The following NOVA1 variants were observed in gnomAD, a reference collection of about 807,000 sequenced individuals.
NOVA1 encodes the protein RNA-binding protein Nova-1.
NOVA1 carries 7 observed loss-of-function variants against 38.0 expected under a neutral mutation model. The observed-to-expected ratio is 0.18, with a 90% CI of 0.10 to 0.35. The LOEUF (loss-of-function observed/expected upper bound fraction) is 0.35. NOVA1 is among the 10% of genes least tolerant of loss of function. The pLI is 1.00. For missense variants in NOVA1, 460 were observed against 616.0 expected (o/e 0.75, Z 2.68); for synonymous variants, 270 against 232.5 (o/e 1.16, Z -1.47).
chr14:26,530,506 T>A (rs573246067), intron 2 of NOVA1, among the ~76,000 whole-genome samples: 1 of 152,252 alleles, frequency 6.6e-6, no homozygotes, highest in East Asian at 1.9e-4. Context: ...GTATAGATAA[T>A]TATCTGAAAG....
At chr14:26,520,630 T>G (rs1175009632) in intron 2 of NOVA1, among the ~76,000 whole-genome samples, 1 of 152,130 alleles carries the variant, frequency 6.6e-6, no homozygotes, top group African/African-American at 2.4e-5. Context: ...GTGACTCAAA[T>G]TCTTTTTATC....
At chr14:26,527,378 C>A (rs115226731) in intron 2 of NOVA1, among the ~76,000 whole-genome samples, 8 of 152,004 alleles carry the variant, frequency 5.3e-5, no homozygotes, top group Non-Finnish European at 8.8e-5. Context: ...GGATGAGCAT[C>A]ACCAGAATCA....
At chr14:26,509,491 A>C (rs1220627936) in intron 2 of NOVA1, among the ~76,000 whole-genome samples, 1 of 152,208 alleles carries the variant, frequency 6.6e-6, no homozygotes, top group African/African-American at 2.4e-5. Flanking sequence ...AAAGTTCTCA[A>C]GCTTCATGAT....
At chr14:26,554,358 A>G (rs1427912857) in intron 2 of NOVA1, among the ~76,000 whole-genome samples, 1 of 151,672 alleles carries the variant, frequency 6.6e-6, no homozygotes, top group Non-Finnish European at 1.5e-5. Flanking sequence ...TGAGAAAAAA[A>G]AACAAAACAA....
chr14:26,558,384 G>T (rs556687376), intron 2 of NOVA1, among the ~76,000 whole-genome samples: 2 of 152,214 alleles, frequency 1.3e-5, no homozygotes, highest in African/African-American at 4.8e-5. Flanking sequence ...GTTGTTAATA[G>T]TAAGAAAAAC....
At chr14:26,485,736 C>T (rs1885836901) in intron 2 of NOVA1, among the ~76,000 whole-genome samples, 1 of 152,008 alleles carries the variant, frequency 6.6e-6, no homozygotes, top group Admixed American at 6.6e-5. Context: ...AAAGAAAATG[C>T]ATCAGTTTAT....
intron 3 of NOVA1, among the ~76,000 whole-genome samples, chr14:26,478,767 G>T (rs926156756): frequency 1.3e-5 from 2 of 151,784 alleles, no homozygotes; most frequent in Admixed American, 6.6e-5. Context: ...CTTATGAAGG[G>T]TATAAACTGA....
At chr14:26,475,133 A>T (rs973928837) in intron 3 of NOVA1, among the ~76,000 whole-genome samples, 3 of 152,150 alleles carry the variant, frequency 2.0e-5, no homozygotes, top group Non-Finnish European at 4.4e-5. Context: ...TCCGTAAGAA[A>T]TATTTCAATG....
In NOVA1 at chr14:26,539,918, T is replaced by C. The variant is rs369653212; in HGVS notation, c.280+55492A>G. ...AAAGTTCTAGCACAAGAAGCAAAAA[T>C]AGCCTGCTGCAGAGTTACTCCTCTT... On this transcript the variant is annotated intron_variant, in intron 2 of 4. Coordinates refer to ENST00000539517, the MANE Select transcript of NOVA1 (RefSeq NM_002515.3). Among the ~76,000 whole-genome samples, 10 of 151,906 alleles carry C rather than the reference T, an allele frequency of 6.6e-5. No individual in the cohort carries two copies. The East Asian group carries it at 7.8e-4, about 12-fold the overall frequency.
chr14:26,494,722 T>C (rs1236647408), intron 2 of NOVA1, among the ~76,000 whole-genome samples: 3 of 151,722 alleles, frequency 2.0e-5, no homozygotes, highest in Non-Finnish European at 2.9e-5. Flanking sequence ...TCTGACTTCA[T>C]TCTCTCTCTC....
chr14:26,467,323 T>G lies in NOVA1; in HGVS notation c.519+4997A>C, dbSNP rs552775754. On this transcript the variant is annotated intron_variant, in intron 4 of 4. Coordinates refer to ENST00000539517, the MANE Select transcript of NOVA1 (RefSeq NM_002515.3). ...TTGGTAGATAAAGTAATATGTAGACTAAGAACAGACTACTGGAATTAGCAA... is the reference window on the plus strand; with the variant it reads ...TTGGTAGATAAAGTAATATGTAGACGAAGAACAGACTACTGGAATTAGCAA... Among the ~76,000 whole-genome samples the G allele has an allele frequency of 5.5e-4, 84 of 152,312 alleles. 1 individual carries two copies. Among genetic ancestry groups the G allele is most frequent in the Admixed American group, 3.3e-4 (5 of 15,302 alleles).
At chr14:26,507,270 T>C (rs996601124) in intron 2 of NOVA1, among the ~76,000 whole-genome samples, 2 of 70,496 alleles carry the variant, frequency 2.8e-5, no homozygotes, top group Non-Finnish European at 3.9e-5. Flanking sequence ...ATTCAACTCA[T>C]TGTAAAAAAA....
chr14:26,520,783 T>G (rs1888818450), intron 2 of NOVA1, among the ~76,000 whole-genome samples: 1 of 152,154 alleles, frequency 6.6e-6, no homozygotes, highest in Admixed American at 6.6e-5. Flanking sequence ...GAATGAGACT[T>G]ACATGGCCAG....
intron 2 of NOVA1, among the ~76,000 whole-genome samples, chr14:26,495,441 C>A (rs1886689190): frequency 6.6e-6 from 1 of 152,138 alleles, no homozygotes; most frequent in Non-Finnish European, 1.5e-5. Context: ...AATAACTATT[C>A]ATTTAATGAA....
At chr14:26,462,568 T>A (rs998555128) in intron 4 of NOVA1, among the ~76,000 whole-genome samples, 1 of 152,212 alleles carries the variant, frequency 6.6e-6, no homozygotes, top group East Asian at 1.9e-4. Flanking sequence ...AGTTGAGTAT[T>A]TTTCATGTTT....
chr14:26,533,649 CA>C (rs1889875727), intron 2 of NOVA1, among the ~76,000 whole-genome samples: 2 of 152,110 alleles, frequency 1.3e-5, no homozygotes, highest in African/African-American at 2.4e-5. Flanking sequence ...AAATCGTTAT[CA>C]GAAGTTCTGT....
intron 4 of NOVA1, among the ~76,000 whole-genome samples, chr14:26,466,712 TG>T (rs992523366): frequency 2.0e-4 from 31 of 152,260 alleles, no homozygotes; most frequent in Non-Finnish European, 3.8e-4. Flanking sequence ...TTTTGGGAGG[TG>T]GGGCCTTTTG....
chr14:26,566,439 T>C (rs1351698559), intron 2 of NOVA1, among the ~76,000 whole-genome samples: 1 of 152,170 alleles, frequency 6.6e-6, no homozygotes, highest in East Asian at 1.9e-4. Flanking sequence ...TTCAGTTGTC[T>C]ATCTTTAAGA....
intron 2 of NOVA1, among the ~76,000 whole-genome samples, chr14:26,482,346 AC>A (rs1432293732): frequency 4.6e-5 from 7 of 152,218 alleles, no homozygotes; most frequent in Non-Finnish European, 7.4e-5. Context: ...CAGAAATGCT[AC>A]AATCCTCAGA....
Sources: gnomAD v4.1 joint callset for allele counts (sites outside exome capture counted in the v4.1 genomes callset) on GRCh38, gnomAD v4.1.1 for gene constraint, MANE v1.5 for transcripts, NCBI Gene and HGNC (gene_info 2026-07-23, HGNC 2026-07-21) for gene names.